EPB41L3: variants seen among roughly 807,000 people sequenced by gnomAD.
EPB41L3 encodes erythrocyte membrane protein band 4.1 like 3, also known as band 4.1-like protein 3.
In EPB41L3, 57 loss-of-function variants were observed where a neutral mutation model predicts 127.1. That is an observed-to-expected ratio of 0.45 (90% CI 0.36 to 0.56). The LOEUF (loss-of-function observed/expected upper bound fraction) is 0.56, where lower values mean the gene tolerates loss of function less well. Among genes scored for constraint, EPB41L3 ranks in the 20% least tolerant of loss-of-function variants. The probability of loss-of-function intolerance (pLI) is 0.00; values close to 1 mark genes in which losing one functional copy is unlikely to be tolerated. For missense variants in EPB41L3, 1,273 were observed against 1,372.2 expected, an observed-to-expected ratio of 0.93 and a Z score of 1.14; for synonymous variants, 572 against 549.5, an observed-to-expected ratio of 1.04 and a Z score of -0.57.
intron 1 of EPB41L3, among the ~76,000 whole-genome samples, chr18:5,534,146 G>T (rs1422256863): frequency 6.6e-6 from 1 of 152,178 alleles, no homozygotes; most frequent in Non-Finnish European, 1.5e-5. Context: ...CTGGGTGACA[G>T]AGCGAGACTC....
At chr18:5,395,829 T>C in intron 19 of EPB41L3, 122 bp from the exon 20 acceptor site, 1 of 760,556 alleles carries the variant, frequency 1.3e-6, no homozygotes, top group Non-Finnish European at 2.2e-6. Flanking sequence ...CATTATGCTC[T>C]TCAGAGTCTG....
chr18:5,451,416 C>T (rs1487114524), intron 3 of EPB41L3, among the ~76,000 whole-genome samples: 3 of 152,180 alleles, frequency 2.0e-5, no homozygotes, highest in African/African-American at 7.2e-5. Context: ...AAGGGGTTTC[C>T]CCAGTGCCAA....
intron 1 of EPB41L3, among the ~76,000 whole-genome samples, chr18:5,496,893 C>A (rs532053605): frequency 1.3e-5 from 2 of 152,096 alleles, no homozygotes; most frequent in Admixed American, 6.5e-5. Context: ...TGTAGTGGAG[C>A]CTACATTCTA....
intron 3 of EPB41L3, among the ~76,000 whole-genome samples, chr18:5,461,038 CCCT>C (rs769381017): frequency 5.9e-5 from 9 of 151,922 alleles, no homozygotes; most frequent in Non-Finnish European, 1.2e-4. Flanking sequence ...TTTTTTTCCC[CCCT>C]ATCATGAGGA....
intron 1 of EPB41L3, among the ~76,000 whole-genome samples, chr18:5,491,188 C>T (rs920607148): frequency 1.3e-5 from 2 of 152,202 alleles, no homozygotes; most frequent in Non-Finnish European, 2.9e-5. Context: ...ATTTCCCTTT[C>T]CCACTGGCTG....
In EPB41L3 at chr18:5,445,223, G is replaced by A; in HGVS notation, c.403C>T (p.Leu135=). The A allele has an allele frequency of 6.2e-7, 1 of 1,613,896 alleles. No homozygotes were observed. The highest frequency in any genetic ancestry group is 8.5e-7 in the Non-Finnish European group (1 of 1,179,946). The stretch of plus-strand genomic sequence containing the variant: ...AAGTGTTCACACACTTTATCAAACA[G>A]CACTTGTCCTCTGGAGCGTTTCTAC... ...DVEKRSRGQV[L]FDKVCEHLNL... The change falls in exon 4 of 23, where the codon CTG becomes TTG. Residue 135 remains leucine, a synonymous_variant. Transcript: ENST00000341928.
At chr18:5,497,564 C>T (rs1598337075) in intron 1 of EPB41L3, among the ~76,000 whole-genome samples, 15 of 152,296 alleles carry the variant, frequency 9.8e-5, no homozygotes, top group Admixed American at 7.2e-4. Flanking sequence ...AATATTGTTT[C>T]CAATAGGCCC....
intron 16 of EPB41L3, chr18:5,400,780 C>A: frequency 3.4e-6 from 2 of 580,308 alleles, no homozygotes; most frequent in Admixed American, 3.0e-5. Context: ...AGAAATGATG[C>A]ATAACTGATA....
chr18:5,569,065 A>G (rs868051297), intron 3 of EPB41L3, among the ~76,000 whole-genome samples: 34 of 152,366 alleles, frequency 2.2e-4, no homozygotes, highest in Middle Eastern at 6.8e-3. Context: ...GTTTCCTTCA[A>G]CAGGACTGCC....
In EPB41L3 at chr18:5,561,047, G is replaced by C. The variant is rs545710700; in HGVS notation, c.-306+51293C>G. On this transcript the variant is annotated intron_variant, in intron 3 of 21. Coordinates refer to the EPB41L3 transcript ENST00000545076. Reference sequence around the variant, plus strand: ...GGCTGGAGTGCAGTGGCGCGATCGCGGCTCACTGCAAGCTCCGCCTCCCAG... The same window carrying C: ...GGCTGGAGTGCAGTGGCGCGATCGCCGCTCACTGCAAGCTCCGCCTCCCAG... Among the ~76,000 whole-genome samples the C allele has an allele frequency of 4.0e-4, 55 of 139,144 alleles. 4 individuals are homozygous for C. The highest frequency in any genetic ancestry group is 6.3e-4 in the Non-Finnish European group (39 of 62,270). The allele number at this position is 139,144 out of a possible 152,430, so 91.3% of individuals were successfully genotyped here.
intron 3 of EPB41L3, chr18:5,570,047 G>T (rs1408368293): frequency 6.6e-6 from 1 of 152,114 alleles, no homozygotes; most frequent in Non-Finnish European, 1.5e-5. Flanking sequence ...GCTCTCAGGA[G>T]GTCTACAGGT....
chr18:5,415,714 T>C, intron 13 of EPB41L3, 104 bp downstream of exon 13: 1 of 1,206,322 alleles, frequency 8.3e-7, no homozygotes, highest in South Asian at 1.5e-5. Flanking sequence ...AGACAATAAA[T>C]GAGGCTCTGA....
intron 2 of EPB41L3, among the ~76,000 whole-genome samples, chr18:5,488,576 G>GATAATAATAATAATA (rs2090165405): frequency 7.1e-6 from 1 of 140,872 alleles, no homozygotes; most frequent in Non-Finnish European, 1.5e-5. Flanking sequence ...TAATGATGAT[G>GATAATAATAATAATA]ATGATGATAA....
At chr18:5,626,758 A>C (rs933453814) in intron 1 of EPB41L3, among the ~76,000 whole-genome samples, 1 of 152,204 alleles carries the variant, frequency 6.6e-6, no homozygotes, top group African/African-American at 2.4e-5. Flanking sequence ...AACCATTCAC[A>C]GCCAACTTCC....
At chr18:5,500,492 A>C (rs2148500202) in intron 1 of EPB41L3, among the ~76,000 whole-genome samples, 1 of 152,300 alleles carries the variant, frequency 6.6e-6, no homozygotes, top group East Asian at 1.9e-4. Flanking sequence ...TTTTAAAAAT[A>C]GGGAAAAGGT....
At chr18:5,411,698 A>G (rs78513271) in intron 13 of EPB41L3, among the ~76,000 whole-genome samples, 1 of 142,572 alleles carries the variant, frequency 7.0e-6, no homozygotes, top group Non-Finnish European at 1.5e-5. Context: ...AGGCGAGTCT[A>G]TGATGGTGAA....
At chr18:5,628,455 G>A (rs916147837) in intron 1 of EPB41L3, among the ~76,000 whole-genome samples, 1 of 152,236 alleles carries the variant, frequency 6.6e-6, no homozygotes, top group African/African-American at 2.4e-5. Flanking sequence ...AGCACCTCCT[G>A]GCTGGGTTGG....
chr18:5,591,661 A>G (rs1168177081), intron 3 of EPB41L3, among the ~76,000 whole-genome samples: 1 of 152,228 alleles, frequency 6.6e-6, no homozygotes, highest in Non-Finnish European at 1.5e-5. Context: ...AATTTCAAAG[A>G]GCACAGCAAC....
chr18:5,479,625 G>A (rs907669252), intron 2 of EPB41L3: 2 of 151,972 alleles, frequency 1.3e-5, no homozygotes, highest in Non-Finnish European at 2.9e-5. Flanking sequence ...ATCTTGCCCA[G>A]GATTTCAAGG....
Sources: allele counts gnomAD v4.1 joint callset (sites outside exome capture counted in the v4.1 genomes callset), GRCh38; gene constraint gnomAD v4.1.1; transcripts MANE v1.5; gene names NCBI Gene and HGNC (gene_info 2026-07-23, HGNC 2026-07-21).